ABLIM2: variants seen among roughly 807,000 people sequenced by gnomAD.
ABLIM2 encodes actin binding LIM protein family member 2, also known as actin-binding LIM protein 2.
In ABLIM2, 53 loss-of-function variants were observed where a neutral mutation model predicts 97.7. The observed-to-expected ratio is 0.54, with a 90% confidence interval of 0.44 to 0.68. ABLIM2 has a LOEUF of 0.68. Ranked by LOEUF, ABLIM2 falls within the 30% of genes least tolerant of loss-of-function variation. ABLIM2 has a pLI of 0.00. For missense variants in ABLIM2, 835 were observed against 867.2 expected, an observed-to-expected ratio of 0.96 and a Z score of 0.47; for synonymous variants, 361 against 345.8, an observed-to-expected ratio of 1.04 and a Z score of -0.49.
chr4:8,097,146 C>A lies in ABLIM2; in HGVS notation c.291G>T (p.Ala97=). 2 of 1,611,358 alleles carry A rather than the reference C, an allele frequency of 1.2e-6. No homozygotes were observed. Among genetic ancestry groups the A allele is most frequent in the Non-Finnish European group, 1.7e-6 (2 of 1,179,048 alleles). The change falls in exon 3 of 21, where the codon GCG becomes GCT. Residue 97 remains alanine, a synonymous_variant. Coordinates refer to ENST00000447017, the MANE Select transcript of ABLIM2 (RefSeq NM_001130083.2). Reference sequence around the variant, plus strand: ...AGTCGGGGTGGTAGGTCTTGCCCAGCGCCGACACCACCTCACCCTCAATGA... The same window carrying A: ...AGTCGGGGTGGTAGGTCTTGCCCAGAGCCGACACCACCTCACCCTCAATGA... ...DQFIEGEVVS[A]LGKTYHPDCF... is the part of the protein sequence containing the mutation.
chr4:8,063,821 AC>A lies in ABLIM2; in HGVS notation c.676-2768del, dbSNP rs539397716. ...CATTCTCTGTACTATAATTCCAAAT[AC>A]CCCCCTTGCCTTTGCTGTGCCCCAA... On this transcript the variant is annotated intron_variant, in intron 6 of 20. Transcript: ENST00000447017. Among the ~76,000 whole-genome samples, 4 of 151,650 alleles carry A rather than the reference AC, an allele frequency of 2.6e-5. No homozygotes were observed. In the East Asian group the frequency reaches 5.8e-4, roughly 22 times the overall value.
intron 20 of ABLIM2, among the ~76,000 whole-genome samples, chr4:7,972,514 T>C (rs954067549): frequency 3.3e-5 from 5 of 152,218 alleles, no homozygotes; most frequent in African/African-American, 1.2e-4. Context: ...CACAGGCCTG[T>C]CTGCTCACAG....
intron 11 of ABLIM2, among the ~76,000 whole-genome samples, chr4:8,028,600 C>T (rs927860020): frequency 1.3e-5 from 2 of 152,250 alleles, no homozygotes; most frequent in African/African-American, 4.8e-5. Flanking sequence ...CTCATTCACT[C>T]ACTCACTCAT....
At position 8,046,307 on chromosome 4, in the gene ABLIM2, C is replaced by T. The variant is rs1792376002; in HGVS notation, c.823-1066G>A. Among the ~76,000 whole-genome samples, 1 of 152,158 alleles carries T rather than the reference C, an allele frequency of 6.6e-6. No individual in the cohort carries two copies. The highest frequency in any genetic ancestry group is 1.5e-5 in the Non-Finnish European group (1 of 68,024). ...ACACCTCTGGCTGCACCTGCTGTCC[C>T]TCCCCACCTGCAGGGCAGGGGCCTC... On this transcript the variant is annotated intron_variant, in intron 8 of 20. Coordinates refer to ENST00000447017, the MANE Select transcript of ABLIM2 (RefSeq NM_001130083.2). The surrounding 1 kb of genome is among the most constrained non-coding windows in gnomAD (Gnocchi z 4.4).
At position 8,109,879 on chromosome 4, in the gene ABLIM2, C is replaced by T. The variant is rs140189565; in HGVS notation, c.11-3242G>A. On this transcript the variant is annotated intron_variant, in intron 1 of 20. Transcript: ENST00000447017. ...TCAGTCTGCAGCCGCTGGAGGCCAC[C>T]GTGGCCTTTCTCACTCTGGTTGAAT... Among the ~76,000 whole-genome samples the T allele has an allele frequency of 9.2e-3, 1,401 of 152,334 alleles. 12 individuals are homozygous for T. The highest frequency in any genetic ancestry group is 0.013 in the Non-Finnish European group (904 of 68,032).
At chr4:8,028,221 G>A (rs1778668071) in intron 11 of ABLIM2, among the ~76,000 whole-genome samples, 1 of 152,182 alleles carries the variant, frequency 6.6e-6, no homozygotes, top group Non-Finnish European at 1.5e-5. Flanking sequence ...ATCGTCACCG[G>A]ACTCGTCCGG....
intron 2 of ABLIM2, among the ~76,000 whole-genome samples, chr4:8,102,062 T>A (rs1293144564): frequency 6.6e-6 from 1 of 152,186 alleles, no homozygotes; most frequent in Non-Finnish European, 1.5e-5. Context: ...CAGAGATCCA[T>A]GGAAACCTAC....
At chr4:8,081,537 T>C (rs1819803327) in intron 4 of ABLIM2, among the ~76,000 whole-genome samples, 3 of 151,964 alleles carry the variant, frequency 2.0e-5, no homozygotes, top group Admixed American at 2.0e-4. Context: ...GCAGAGCGGG[T>C]GGAGCAGGCT....
At chr4:8,050,617 C>T (rs941644122) in intron 8 of ABLIM2, among the ~76,000 whole-genome samples, 1 of 152,218 alleles carries the variant, frequency 6.6e-6, no homozygotes, top group African/African-American at 2.4e-5. Context: ...TTGATGCTGC[C>T]GGGAGCCGGC....
rs912390707 is a variant in ABLIM2, at chr4:8,122,487, C to G, written c.11-15850G>C. Among the ~76,000 whole-genome samples, 4 of 152,198 alleles carry G rather than the reference C, an allele frequency of 2.6e-5. No homozygotes were observed. Among genetic ancestry groups the G allele is most frequent in the Non-Finnish European group, 5.9e-5 (4 of 68,030 alleles). ...GAGGGCTCCCTTCCTGGCTTGCAGA[C>G]AGCCGCCTTCTTACTGTGTCCTCAC... On this transcript the variant is annotated intron_variant, in intron 1 of 20. Transcript: ENST00000447017. This position sits in a 1 kb window ranked among gnomAD's most constrained non-coding sequence, Gnocchi z 4.1.
rs140532011 is a variant in ABLIM2, at chr4:8,002,226, G to A, written c.1618+5833C>T. Among the ~76,000 whole-genome samples, 31 of 152,186 alleles carry A rather than the reference G, an allele frequency of 2.0e-4. No homozygotes were observed. In the East Asian group the frequency reaches 5.6e-3, roughly 28 times the overall value. ...TCTGCCCCCTGGCAACCCCCCGGAC[G>A]TCTCAGGCTCTCCAAGCCAACATGA... On this transcript the variant is annotated intron_variant, in intron 16 of 20. Coordinates refer to ENST00000447017, the MANE Select transcript of ABLIM2 (RefSeq NM_001130083.2). The surrounding 1 kb of genome is among the most constrained non-coding windows in gnomAD (Gnocchi z 6.1).
intron 3 of ABLIM2, among the ~76,000 whole-genome samples, chr4:8,093,419 G>A (rs1049261339): frequency 2.0e-4 from 30 of 152,108 alleles, no homozygotes; most frequent in African/African-American, 2.4e-5. Context: ...TTAGCTTTGC[G>A]TGTCTAAAAA....
chr4:8,063,577 G>GC (rs1245704352), intron 6 of ABLIM2, among the ~76,000 whole-genome samples: 1 of 152,374 alleles, frequency 6.6e-6, no homozygotes. Flanking sequence ...TGGTAGAGCT[G>GC]CGGTTACAGT....
At position 8,054,296 on chromosome 4, in the gene ABLIM2, G is replaced by A. The variant is rs762779663; in HGVS notation, c.764-50C>T. ...AATGATTAGAGTTATTTCCCATGTT[G>A]CAGGGGCCTGTGTGGAAACGCAGAG... is the stretch of plus-strand genomic sequence containing the variant. On this transcript the variant is annotated intron_variant, in intron 7 of 20. Coordinates refer to ENST00000447017, the MANE Select transcript of ABLIM2 (RefSeq NM_001130083.2). The surrounding 1 kb of genome is among the most constrained non-coding windows in gnomAD (Gnocchi z 4.9). The A allele has an allele frequency of 2.7e-5, 43 of 1,595,348 alleles. No homozygotes were observed. Among genetic ancestry groups the A allele is most frequent in the Non-Finnish European group, 3.3e-5 (38 of 1,164,202 alleles).
chr4:8,053,279 T>A (rs979230737), intron 8 of ABLIM2, among the ~76,000 whole-genome samples: 2 of 152,374 alleles, frequency 1.3e-5, no homozygotes, highest in African/African-American at 4.8e-5. Context: ...TGAGTCATCC[T>A]GCCTTTGCTT....
intron 1 of ABLIM2, among the ~76,000 whole-genome samples, chr4:8,151,147 T>A (rs530167284): frequency 1.3e-5 from 2 of 152,264 alleles, no homozygotes; most frequent in East Asian, 1.9e-4. Flanking sequence ...CAAGTGACGA[T>A]TGGGGCTGGA....
At chr4:8,010,456 G>C in intron 14 of ABLIM2, 1 of 985,884 alleles carries the variant, frequency 1.0e-6, no homozygotes, top group South Asian at 4.7e-5. Context: ...GCTCGGGCCC[G>C]TCTGTCTTTT....
chr4:8,153,638 G>A (rs951552155), intron 1 of ABLIM2, among the ~76,000 whole-genome samples: 6 of 152,314 alleles, frequency 3.9e-5, no homozygotes, highest in African/African-American at 9.6e-5. Flanking sequence ...CCCATCCCAC[G>A]CAGCAGATAG....
Position 8,020,464 on chromosome 4 carries a change from C to T in ABLIM2, c.1268-161G>A, listed in dbSNP as rs574146735. ...GGGGAAGGAGTGTGGGCCTCATCCA[C>T]GTTCCCAGACTGTGTCCAAGGACTT... is the stretch of plus-strand genomic sequence containing the variant. On this transcript the variant is annotated intron_variant, in intron 12 of 20. Coordinates refer to ENST00000447017, the MANE Select transcript of ABLIM2 (RefSeq NM_001130083.2). The T allele has an allele frequency of 8.8e-5, 63 of 718,780 alleles. No individual in the cohort carries two copies. The Admixed American group carries it at 1.1e-3, about 13-fold the overall frequency. The allele number at this position is 718,780 out of a possible 1,614,324, so 44.5% of individuals were successfully genotyped here.
Sources: allele counts gnomAD v4.1 joint callset (sites outside exome capture counted in the v4.1 genomes callset), GRCh38; gene constraint gnomAD v4.1.1; non-coding constraint Gnocchi (gnomAD v3.1); transcripts MANE v1.5; gene names NCBI Gene and HGNC (gene_info 2026-07-23, HGNC 2026-07-21).